Variants in TRIQK observed in about 807,000 individuals in gnomAD.
The protein encoded by TRIQK is triple QxxK/R motif containing, also known as triple QxxK/R motif-containing protein.
A neutral mutation model predicts 10.8 loss-of-function variants in TRIQK; 10 were observed. That is an observed-to-expected ratio of 0.92 (90% confidence interval 0.57 to 1.57). The LOEUF (loss-of-function observed/expected upper bound fraction) is 1.57. Among genes scored for constraint, TRIQK ranks in the 40% most tolerant of loss-of-function variants. The probability of loss-of-function intolerance (pLI) is 0.00; values close to 1 mark genes in which losing one functional copy is unlikely to be tolerated. For missense variants in TRIQK, 107 were observed against 97.7 expected, an observed-to-expected ratio of 1.09 and a Z score of -0.40; for synonymous variants, 33 against 33.7, an observed-to-expected ratio of 0.98 and a Z score of 0.07.
At chr8:92,976,521 T>C (rs1381544066) in intron 1 of TRIQK, among the ~76,000 whole-genome samples, 2 of 151,988 alleles carry the variant, frequency 1.3e-5, no homozygotes, top group African/African-American at 4.8e-5. Context: ...TTTGTGTCTT[T>C]ATATTTTCAA....
chr8:92,971,489 T>C (rs886197760), intron 1 of TRIQK, among the ~76,000 whole-genome samples: 6 of 152,092 alleles, frequency 3.9e-5, no homozygotes, highest in African/African-American at 1.4e-4. Flanking sequence ...CAAGCAATTT[T>C]ATACACCAAC....
chr8:92,913,969 G>C (rs188651165), intron 3 of TRIQK, among the ~76,000 whole-genome samples: 82 of 152,090 alleles, frequency 5.4e-4, no homozygotes, highest in Non-Finnish European at 1.1e-3. Flanking sequence ...GGGCCTGTCA[G>C]GGGGTGGGGT....
rs777176157 is a variant in TRIQK, at chr8:92,884,777, C to T, written c.*1845G>A. 3.8e-5 allele frequency: 17 copies of T among 443,798 alleles called. No individual in the cohort carries two copies. The highest frequency in any genetic ancestry group is 6.3e-5 in the South Asian group (4 of 63,794). The allele number at this position is 443,798 out of a possible 1,614,324, so 27.5% of individuals were successfully genotyped here. ...AACTAGAAATAATCTTTATTTAATA[C>T]GACTGTTTTAACACCATATGGAACG... On this transcript the variant is annotated 3_prime_UTR_variant, in exon 5 of 5. Transcript: ENST00000521988.
At chr8:92,917,116 T>C (rs566070154) in intron 2 of TRIQK, 106 bp from the exon 3 acceptor site, 3 of 491,922 alleles carry the variant, frequency 6.1e-6, no homozygotes, top group African/African-American at 4.0e-5. Context: ...TGGGTACAAA[T>C]ACTTTGACTT....
chr8:93,009,036 T>C (rs879577185), intron 1 of TRIQK, among the ~76,000 whole-genome samples: 17 of 152,294 alleles, frequency 1.1e-4, no homozygotes, highest in Admixed American at 3.3e-4. Context: ...AGAGACAATA[T>C]GGATAACAGA....
rs188946949 is a variant in TRIQK, at chr8:92,898,414, G to A, written c.62-6340C>T. 3.0e-3 allele frequency among the ~76,000 whole-genome samples: 452 copies of A among 152,252 alleles called. 2 individuals are homozygous for A. Among genetic ancestry groups the A allele is most frequent in the Non-Finnish European group, 5.3e-3 (361 of 68,016 alleles). On this transcript the variant is annotated intron_variant, in intron 3 of 4. Coordinates refer to ENST00000521988, the MANE Select transcript of TRIQK (RefSeq NM_001171797.2). ...AAGTTAAAACACCACAAAGATTGCA[G>A]ATATTACTGAGATTCACCTGTTTTT...
At chr8:92,964,475 T>TATAG (rs1812629507) in intron 1 of TRIQK, among the ~76,000 whole-genome samples, 1 of 148,238 alleles carries the variant, frequency 6.7e-6, no homozygotes, top group Non-Finnish European at 1.5e-5. Flanking sequence ...TATATATATA[T>TATAG]ATATATCTAG....
At chr8:93,006,460 C>G (rs141247003) in intron 1 of TRIQK, among the ~76,000 whole-genome samples, 5 of 152,194 alleles carry the variant, frequency 3.3e-5, no homozygotes, top group African/African-American at 4.8e-5. Context: ...AGATCCCCCT[C>G]GTGAGCTGAC....
intron 3 of TRIQK, among the ~76,000 whole-genome samples, chr8:92,895,662 C>G (rs939075417): frequency 6.6e-6 from 1 of 152,082 alleles, no homozygotes; most frequent in Non-Finnish European, 1.5e-5. Context: ...TAAAGGCTAT[C>G]CTTGTTATAA....
upstream of TRIQK, among the ~76,000 whole-genome samples, chr8:92,968,920 T>C (rs1399675648): frequency 6.6e-6 from 1 of 152,224 alleles, no homozygotes; most frequent in Non-Finnish European, 1.5e-5. Context: ...CTTCTAGGGA[T>C]TTTATGGTTT....
At chr8:92,947,380 C>T (rs961723609) in intron 2 of TRIQK, among the ~76,000 whole-genome samples, 38 of 151,250 alleles carry the variant, frequency 2.5e-4, no homozygotes, top group African/African-American at 7.8e-4. Context: ...GTCGGGAGTT[C>T]GAGACCAACC....
chr8:92,985,873 A>C (rs1586522894), intron 1 of TRIQK, among the ~76,000 whole-genome samples: 1 of 152,170 alleles, frequency 6.6e-6, no homozygotes, highest in African/African-American at 2.4e-5. Context: ...AATTAGTAAG[A>C]ATCCAATATT....
chr8:92,971,344 G>A (rs2130737451), intron 1 of TRIQK, among the ~76,000 whole-genome samples: 1 of 152,204 alleles, frequency 6.6e-6, no homozygotes, highest in Non-Finnish European at 1.5e-5. Flanking sequence ...TAGGAAGAGA[G>A]AAGTCAAACT....
intron 1 of TRIQK, among the ~76,000 whole-genome samples, chr8:92,975,151 G>T (rs992291600): frequency 6.6e-6 from 1 of 152,198 alleles, no homozygotes; most frequent in East Asian, 1.9e-4. Flanking sequence ...GGCCTCCCCA[G>T]TTTCCACAGG....
At chr8:92,917,053 G>T (rs1809898645) in intron 2 of TRIQK, 43 bp from the exon 3 acceptor site, 2 of 1,257,622 alleles carry the variant, frequency 1.6e-6, no homozygotes, top group African/African-American at 3.1e-5. Context: ...TTAAAAAGGA[G>T]TGTCTATAAA....
intron 2 of TRIQK, among the ~76,000 whole-genome samples, chr8:92,918,636 A>C (rs1809994056): frequency 6.6e-6 from 1 of 151,966 alleles, no homozygotes; most frequent in South Asian, 2.1e-4. Context: ...TTGGATGAAT[A>C]TTTTGCAAAT....
intron 2 of TRIQK, among the ~76,000 whole-genome samples, chr8:92,919,680 T>C (rs1412307588): frequency 6.6e-6 from 1 of 151,878 alleles, no homozygotes; most frequent in Non-Finnish European, 1.5e-5. Context: ...TATTCCCTCC[T>C]CTTCAATGTT....
At chr8:92,919,642 T>C (rs1397612496) in intron 2 of TRIQK, among the ~76,000 whole-genome samples, 1 of 151,882 alleles carries the variant, frequency 6.6e-6, no homozygotes, top group East Asian at 1.9e-4. Flanking sequence ...ATCAGAGTAA[T>C]GCCAGCCTTG....
Position 92,885,956 on chromosome 8 carries a change from C to A in TRIQK, c.*666G>T, listed in dbSNP as rs1176750280. On this transcript the variant is annotated 3_prime_UTR_variant, in exon 5 of 5. Transcript: ENST00000521988. ...ATAAGTTAATTAAAACCAAGATCAA[C>A]TGAGCTTCTATTTACACCAGTTCAG... 1 of 151,626 alleles carries A rather than the reference C, an allele frequency of 6.6e-6. No homozygotes were observed. The highest frequency in any genetic ancestry group is 1.5e-5 in the Non-Finnish European group (1 of 67,772). 9.4% of individuals were successfully genotyped at this position (151,626 alleles called of 1,614,324 possible). A position where few individuals can be genotyped will look rare whatever the true frequency, so the allele number is the denominator to read the frequency against.
Sources: allele counts gnomAD v4.1 joint callset (sites outside exome capture counted in the v4.1 genomes callset), GRCh38; gene constraint gnomAD v4.1.1; transcripts MANE v1.5; gene names NCBI Gene and HGNC (gene_info 2026-07-23, HGNC 2026-07-21).